The following SPOCK3 variants were observed in gnomAD, a reference collection of about 807,000 sequenced individuals.
SPOCK3 encodes testican-3.
Under a neutral mutation model 56.6 loss-of-function variants are expected in SPOCK3, and 30 were observed. That is an observed-to-expected ratio of 0.53 (90% CI 0.40 to 0.72). The LOEUF is 0.72. Among genes scored for constraint, SPOCK3 ranks in the 30% least tolerant of loss-of-function variants. SPOCK3 has a pLI of 0.00. For synonymous variants in SPOCK3, 196 were observed against 183.3 expected (o/e 1.07, Z -0.56); for missense variants, 527 against 530.0 (o/e 0.99, Z 0.06).
intron 2 of SPOCK3, among the ~76,000 whole-genome samples, chr4:167,133,849 A>G (rs1295386633): frequency 2.6e-5 from 4 of 152,080 alleles, no homozygotes; most frequent in Non-Finnish European, 4.4e-5. Flanking sequence ...AAACTACAAA[A>G]TAAATTGCTA....
intron 2 of SPOCK3, among the ~76,000 whole-genome samples, chr4:167,135,242 T>C (rs538588150): frequency 2.6e-5 from 4 of 152,148 alleles, no homozygotes; most frequent in African/African-American, 7.2e-5. Flanking sequence ...TGAAAATGCA[T>C]ACATAGAAAA....
chr4:166,815,625 C>CA (rs1167345905), intron 6 of SPOCK3, among the ~76,000 whole-genome samples: 1 of 151,854 alleles, frequency 6.6e-6, no homozygotes, highest in Non-Finnish European at 1.5e-5. Flanking sequence ...CCAAAAATAA[C>CA]AAAAATTATC....
intron 2 of SPOCK3, among the ~76,000 whole-genome samples, chr4:167,221,774 T>C (rs183356123): frequency 4.7e-4 from 72 of 152,252 alleles, no homozygotes; most frequent in African/African-American, 1.7e-3. Flanking sequence ...TTCAGATGGC[T>C]ACTAACAACA....
At chr4:167,040,469 T>C (rs1411581858) in intron 3 of SPOCK3, among the ~76,000 whole-genome samples, 1 of 152,198 alleles carries the variant, frequency 6.6e-6, no homozygotes, top group African/African-American at 2.4e-5. Flanking sequence ...AACATGCTGT[T>C]AGCCTCAAAT....
chr4:167,109,012 ACT>A (rs1491378585), intron 2 of SPOCK3, among the ~76,000 whole-genome samples: 1 of 100,554 alleles, frequency 9.9e-6, no homozygotes, highest in African/African-American at 4.7e-5. Context: ...ATAAATATAT[ACT>A]TATATAAAAA....
chr4:167,116,934 C>A (rs1359513827), intron 2 of SPOCK3, among the ~76,000 whole-genome samples: 21 of 101,536 alleles, frequency 2.1e-4, no homozygotes, highest in South Asian at 3.3e-4. Context: ...TATATATATA[C>A]TTTTGTGTAT....
chr4:167,212,355 T>C (rs977773919), intron 2 of SPOCK3, among the ~76,000 whole-genome samples: 1 of 151,894 alleles, frequency 6.6e-6, no homozygotes, highest in Admixed American at 6.6e-5. Flanking sequence ...GAATTTCCTG[T>C]CTCAGTCTCC....
chr4:167,102,101 G>T (rs1470484327), intron 2 of SPOCK3, among the ~76,000 whole-genome samples: 1 of 151,744 alleles, frequency 6.6e-6, no homozygotes, highest in Non-Finnish European at 1.5e-5. Context: ...CTTTATTTGT[G>T]TACCTAAGCT....
In SPOCK3 at chr4:167,131,552, G is replaced by A. The variant is rs550917862; in HGVS notation, c.190-69015C>T. On this transcript the variant is annotated intron_variant, in intron 2 of 10. Transcript: ENST00000357545. Reference sequence around the variant, plus strand: ...TGGGAGGCGGAGATTGCAGTGGGCTGAGATCACGCCATTGCACTCCAGCCT... The same window carrying A: ...TGGGAGGCGGAGATTGCAGTGGGCTAAGATCACGCCATTGCACTCCAGCCT... Among the ~76,000 whole-genome samples the A allele has an allele frequency of 3.2e-3, 485 of 152,232 alleles. 3 individuals are homozygous for A. The highest frequency in any genetic ancestry group is 0.011 in the African/African-American group (458 of 41,524).
At position 166,885,922 on chromosome 4, in the gene SPOCK3, G is replaced by A. The variant is rs147399880; in HGVS notation, c.589+3208C>T. ...AGTAAACCAATGGAGCACTTTAGATGTGTCATATGTCTAAAGTTTACTGTG... is the reference window on the plus strand; with the variant it reads ...AGTAAACCAATGGAGCACTTTAGATATGTCATATGTCTAAAGTTTACTGTG... On this transcript the variant is annotated intron_variant, in intron 6 of 10. Coordinates refer to ENST00000357545, the MANE Select transcript of SPOCK3 (RefSeq NM_001040159.2). 4.1e-3 allele frequency among the ~76,000 whole-genome samples: 630 copies of A among 152,240 alleles called. 16 individuals are homozygous for A. Among genetic ancestry groups the A allele is most frequent in the Admixed American group, 0.033 (502 of 15,292 alleles).
chr4:166,754,805 G>T lies in SPOCK3; in HGVS notation c.710-76C>A. 4 of 1,356,392 alleles carry T rather than the reference G, an allele frequency of 2.9e-6. No homozygotes were observed. In the South Asian group the frequency reaches 3.7e-5, roughly 13 times the overall value. The allele number at this position is 1,356,392 out of a possible 1,614,324, so 84.0% of individuals were successfully genotyped here. A position where few individuals can be genotyped will look rare whatever the true frequency, so the allele number is the denominator to read the frequency against. On this transcript the variant is annotated intron_variant, in intron 7 of 10. Transcript: ENST00000357545. ...GCAGAAAGCAAAATAAGTCAACATA[G>T]CAGGTAGCTAGTGTAGGACATCTAA...
chr4:166,826,360 C>A (rs964872275), intron 6 of SPOCK3, among the ~76,000 whole-genome samples: 1 of 151,894 alleles, frequency 6.6e-6, no homozygotes, highest in Non-Finnish European at 1.5e-5. Flanking sequence ...AACTTCTTAG[C>A]GGCATATAAA....
At chr4:167,127,400 G>T (rs1007926082) in intron 2 of SPOCK3, among the ~76,000 whole-genome samples, 4 of 151,418 alleles carry the variant, frequency 2.6e-5, no homozygotes, top group African/African-American at 4.8e-5. Flanking sequence ...CCACCTAAAA[G>T]GTTGTTGGGG....
chr4:166,858,763 G>T (rs1179460064), intron 6 of SPOCK3, among the ~76,000 whole-genome samples: 2 of 152,254 alleles, frequency 1.3e-5, no homozygotes, highest in South Asian at 4.1e-4. Context: ...GAGCAAAAAT[G>T]TAACAATATT....
chr4:167,156,016 A>G (rs1246006410), intron 2 of SPOCK3, among the ~76,000 whole-genome samples: 1 of 152,182 alleles, frequency 6.6e-6, no homozygotes, highest in Non-Finnish European at 1.5e-5. Flanking sequence ...GTAAAAAAAA[A>G]AGTTGTTCTA....
chr4:167,205,341 T>TC (rs1561321442), intron 2 of SPOCK3, among the ~76,000 whole-genome samples: 4 of 39,058 alleles, frequency 1.0e-4, no homozygotes, highest in Non-Finnish European at 1.7e-4. Flanking sequence ...ATATTATATA[T>TC]TATATATATA....
intron 4 of SPOCK3, among the ~76,000 whole-genome samples, chr4:166,971,900 C>T (rs956459079): frequency 6.6e-6 from 1 of 152,054 alleles, no homozygotes; most frequent in East Asian, 1.9e-4. Flanking sequence ...CAGTATCTTT[C>T]GAATGAAGGT....
At chr4:166,903,141 A>T (rs908487349) in intron 5 of SPOCK3, among the ~76,000 whole-genome samples, 4 of 147,302 alleles carry the variant, frequency 2.7e-5, no homozygotes, top group African/African-American at 7.4e-5. Context: ...AATTATAAAT[A>T]ATTTATAATT....
intron 5 of SPOCK3, among the ~76,000 whole-genome samples, chr4:166,899,071 G>T (rs1560986731): frequency 6.6e-6 from 1 of 151,916 alleles, no homozygotes; most frequent in East Asian, 2.0e-4. Context: ...TTCCACTCAG[G>T]GTTTTGGACT....
Sources: allele counts gnomAD v4.1 joint callset (sites outside exome capture counted in the v4.1 genomes callset), GRCh38; gene constraint gnomAD v4.1.1; transcripts MANE v1.5; gene names NCBI Gene and HGNC (gene_info 2026-07-23, HGNC 2026-07-21).